NEGR1: variants seen among roughly 807,000 people sequenced by gnomAD.
NEGR1 encodes the protein neuronal growth regulator 1.
A neutral mutation model predicts 40.9 loss-of-function variants in NEGR1; 10 were observed. The ratio of observed to expected loss-of-function variants is 0.24; its 90% CI spans 0.15 to 0.42. The LOEUF is 0.42. Ranked by LOEUF, NEGR1 falls within the 10% of genes least tolerant of loss-of-function variation. The probability of loss-of-function intolerance (pLI) is 1.00; values close to 1 mark genes in which losing one functional copy is unlikely to be tolerated. For synonymous variants in NEGR1, 185 were observed against 166.8 expected (o/e 1.11, Z -0.84); for missense variants, 352 against 438.9 (o/e 0.80, Z 1.77).
intron 4 of NEGR1, among the ~76,000 whole-genome samples, chr1:71,655,834 C>CCACA (rs954182938): frequency 3.9e-5 from 6 of 152,184 alleles, no homozygotes; most frequent in African/African-American, 7.2e-5. Context: ...GTAGCAGTTG[C>CCACA]CACAACGGTC....
chr1:71,852,006 G>A (rs1659619079), intron 2 of NEGR1, among the ~76,000 whole-genome samples: 1 of 152,038 alleles, frequency 6.6e-6, no homozygotes, highest in Admixed American at 6.6e-5. Context: ...AAGTATAAAG[G>A]GCACAGACTT....
intron 6 of NEGR1, among the ~76,000 whole-genome samples, chr1:71,566,256 T>C (rs1284962580): frequency 6.6e-6 from 1 of 152,198 alleles, no homozygotes; most frequent in Non-Finnish European, 1.5e-5. Flanking sequence ...TAATAATAGA[T>C]ATACTTTTAA....
At chr1:72,136,370 T>G (rs900374231) in intron 1 of NEGR1, among the ~76,000 whole-genome samples, 1 of 151,934 alleles carries the variant, frequency 6.6e-6, no homozygotes, top group African/African-American at 2.4e-5. Flanking sequence ...GATCAATGTC[T>G]TGAAGACACA....
chr1:71,472,181 C>G (rs768675437), intron 6 of NEGR1, among the ~76,000 whole-genome samples: 1 of 152,062 alleles, frequency 6.6e-6, no homozygotes, highest in African/African-American at 2.4e-5. Flanking sequence ...TGAGTCTGTA[C>G]AGGCAGTGAT....
chr1:72,104,619 T>C (rs1157169351), intron 1 of NEGR1, among the ~76,000 whole-genome samples: 2 of 152,172 alleles, frequency 1.3e-5, no homozygotes, highest in African/African-American at 4.8e-5. Context: ...GTAATTGTAG[T>C]AATATGCTAC....
chr1:72,000,328 T>A (rs576569715), intron 1 of NEGR1, among the ~76,000 whole-genome samples: 1 of 152,154 alleles, frequency 6.6e-6, no homozygotes, highest in East Asian at 1.9e-4. Context: ...TTCCACACAG[T>A]AGTAAATTTC....
chr1:72,034,272 T>C (rs1285841101), intron 1 of NEGR1, among the ~76,000 whole-genome samples: 48 of 152,240 alleles, frequency 3.2e-4, no homozygotes, highest in Admixed American at 3.1e-3. Flanking sequence ...AGTACTGTTT[T>C]ATTTCTTTAG....
chr1:71,593,064 T>A, intron 5 of NEGR1, 96 bp from the exon 6 acceptor site: 2 of 741,152 alleles, frequency 2.7e-6, no homozygotes, highest in East Asian at 2.6e-5. Flanking sequence ...CCATAGACAA[T>A]TCAACTACGC....
At chr1:71,764,639 G>A (rs1336888424) in intron 3 of NEGR1, among the ~76,000 whole-genome samples, 1 of 152,192 alleles carries the variant, frequency 6.6e-6, no homozygotes, top group Non-Finnish European at 1.5e-5. Context: ...TTGCAAAGGA[G>A]ATGAGAGCAT....
chr1:71,970,829 G>A (rs1570565982), intron 1 of NEGR1, among the ~76,000 whole-genome samples: 1 of 152,204 alleles, frequency 6.6e-6, no homozygotes, highest in East Asian at 1.9e-4. Context: ...ATTGTATCTG[G>A]GACAATCATA....
chr1:71,746,110 A>T (rs1394368234), intron 3 of NEGR1, among the ~76,000 whole-genome samples: 1 of 152,150 alleles, frequency 6.6e-6, no homozygotes, highest in East Asian at 1.9e-4. Flanking sequence ...TTGGATCTTC[A>T]TTCTGAAGGC....
intron 2 of NEGR1, among the ~76,000 whole-genome samples, chr1:71,861,496 A>G (rs1659946237): frequency 6.6e-6 from 1 of 152,030 alleles, no homozygotes. Context: ...TAGACCCAAA[A>G]TGCAGTTGTC....
Position 72,163,877 on chromosome 1 carries a change from A to G in NEGR1, c.176+118442T>C, listed in dbSNP as rs1283370076. Among the ~76,000 whole-genome samples, 3 of 152,210 alleles carry G rather than the reference A, an allele frequency of 2.0e-5. No individual in the cohort carries two copies. The East Asian group carries it at 5.8e-4, about 29-fold the overall frequency. On this transcript the variant is annotated intron_variant, in intron 1 of 6. Coordinates refer to ENST00000357731, the MANE Select transcript of NEGR1 (RefSeq NM_173808.3). The stretch of plus-strand genomic sequence containing the variant: ...ACTGAAAATAATTATAAAATACAAA[A>G]TAAGAATGGTATCAAAGAAAATGAG...
chr1:71,722,372 G>A (rs146680379), intron 3 of NEGR1, among the ~76,000 whole-genome samples: 28 of 151,682 alleles, frequency 1.8e-4, no homozygotes, highest in Admixed American at 7.2e-4. Context: ...ATTTATCCAC[G>A]TATTATTTTA....
chr1:72,097,781 C>T (rs1410056958), intron 1 of NEGR1, among the ~76,000 whole-genome samples: 1 of 152,134 alleles, frequency 6.6e-6, no homozygotes, highest in Non-Finnish European at 1.5e-5. Flanking sequence ...AGCTGCTTTA[C>T]ATATAATATT....
chr1:71,648,708 T>C (rs1207445894), intron 4 of NEGR1, among the ~76,000 whole-genome samples: 1 of 151,966 alleles, frequency 6.6e-6, no homozygotes, highest in African/African-American at 2.4e-5. Flanking sequence ...TCACAGAAAT[T>C]GCTGGGTTGT....
At chr1:71,501,790 C>A (rs990443571) in intron 6 of NEGR1, among the ~76,000 whole-genome samples, 1 of 152,122 alleles carries the variant, frequency 6.6e-6, no homozygotes, top group African/African-American at 2.4e-5. Flanking sequence ...ATGTAAAGCT[C>A]TTTTATATGT....
chr1:72,020,845 A>G (rs113795770), intron 1 of NEGR1, among the ~76,000 whole-genome samples: 290 of 152,336 alleles, frequency 1.9e-3, no homozygotes, highest in African/African-American at 6.6e-3. Flanking sequence ...ATACAAATAT[A>G]TAATTATAGT....
chr1:71,700,234 A>C (rs1358363667), intron 3 of NEGR1, among the ~76,000 whole-genome samples: 1 of 151,946 alleles, frequency 6.6e-6, no homozygotes, highest in Non-Finnish European at 1.5e-5. Flanking sequence ...TTATGAGGTA[A>C]ATTCCATTAC....
Sources: allele counts gnomAD v4.1 joint callset (sites outside exome capture counted in the v4.1 genomes callset), GRCh38; gene constraint gnomAD v4.1.1; transcripts MANE v1.5; gene names NCBI Gene and HGNC (gene_info 2026-07-23, HGNC 2026-07-21).